The following GRM7 variants were observed in gnomAD, a reference collection of about 807,000 sequenced individuals.
The protein encoded by GRM7 is glutamate metabotropic receptor 7, also known as metabotropic glutamate receptor 7.
A neutral mutation model predicts 84.5 loss-of-function variants in GRM7; 35 were observed. The ratio of observed to expected loss-of-function variants is 0.41; its 90% CI spans 0.32 to 0.55. The LOEUF (loss-of-function observed/expected upper bound fraction) is 0.55. Ranked by LOEUF, GRM7 falls within the 20% of genes least tolerant of loss-of-function variation. The probability of loss-of-function intolerance (pLI) is 0.19; values close to 1 mark genes in which losing one functional copy is unlikely to be tolerated. For missense variants in GRM7, 1,003 were observed against 1,194.6 expected (o/e 0.84, Z 2.36); for synonymous variants, 487 against 455.1 (o/e 1.07, Z -0.89).
chr3:7,593,313 T>G (rs1168785318), intron 8 of GRM7, among the ~76,000 whole-genome samples: 1 of 152,160 alleles, frequency 6.6e-6, no homozygotes, highest in African/African-American at 2.4e-5. Flanking sequence ...CTTTCCAGTT[T>G]CAAACATTTA....
At chr3:7,737,499 C>G (rs1171543901) in intron 9 of GRM7, among the ~76,000 whole-genome samples, 1 of 152,142 alleles carries the variant, frequency 6.6e-6, no homozygotes, top group Non-Finnish European at 1.5e-5. Context: ...AATTTTCTTT[C>G]CTGACCATAA....
chr3:7,579,868 A>G (rs1470219683), intron 8 of GRM7, among the ~76,000 whole-genome samples: 1 of 152,210 alleles, frequency 6.6e-6, no homozygotes, highest in African/African-American at 2.4e-5. Flanking sequence ...GCCCAATTGT[A>G]TATGCACAAT....
chr3:7,039,039 C>T (rs2124938159), intron 1 of GRM7, among the ~76,000 whole-genome samples: 1 of 152,272 alleles, frequency 6.6e-6, no homozygotes, highest in Non-Finnish European at 1.5e-5. Context: ...TCAATAAGTT[C>T]TTCAGGCCAT....
rs186637758 is a variant in GRM7 at position 6,947,569 on chromosome 3, A to C, written c.519+85662A>C. Among the ~76,000 whole-genome samples, 80 of 152,336 alleles carry C rather than the reference A, an allele frequency of 5.3e-4. 1 individual carries two copies. Among genetic ancestry groups the C allele is most frequent in the Admixed American group, 9.2e-4 (14 of 15,290 alleles). The stretch of plus-strand genomic sequence containing the variant: ...GGCATTAGGATGATGCTGGCCTCAT[A>C]AAATGAGTTAGGGAGGATTCCCTCT... On this transcript the variant is annotated intron_variant, in intron 1 of 9. Coordinates refer to ENST00000357716, the MANE Select transcript of GRM7 (RefSeq NM_000844.4).
At chr3:6,867,066 C>T (rs929600575) in intron 1 of GRM7, among the ~76,000 whole-genome samples, 5 of 152,154 alleles carry the variant, frequency 3.3e-5, no homozygotes, top group African/African-American at 1.2e-4. Context: ...TGCTGATATT[C>T]TGGAACTCCT....
chr3:7,613,391 A>G (rs1696935461), intron 8 of GRM7, among the ~76,000 whole-genome samples: 1 of 152,224 alleles, frequency 6.6e-6, no homozygotes, highest in Non-Finnish European at 1.5e-5. Context: ...CTGACAAAAC[A>G]TTTGTAAAGG....
chr3:7,452,465 G>A lies in GRM7; in HGVS notation c.1175-142G>A, dbSNP rs1697811343. The stretch of plus-strand genomic sequence containing the variant: ...ACTGGCTATCACGTGGTAGGCAAAT[G>A]TGGCTTGAATTACTGTATTTATCGA... On this transcript the variant is annotated intron_variant, in intron 5 of 9. Transcript: ENST00000357716. The A allele has an allele frequency of 7.7e-6, 5 of 645,894 alleles. No individual in the cohort carries two copies. In the Admixed American group the frequency reaches 1.3e-4, roughly 16 times the overall value. 40.0% of individuals were successfully genotyped at this position (645,894 alleles called of 1,614,324 possible). A position where few individuals can be genotyped will look rare whatever the true frequency, so the allele number is the denominator to read the frequency against.
chr3:7,696,113 C>T (rs73123714), intron 9 of GRM7, among the ~76,000 whole-genome samples: 22,342 of 152,042 alleles, frequency 0.15, 2,639 homozygotes, highest in African/African-American at 0.32. Context: ...ACGTCCTTTA[C>T]AGAAGAGTTC....
intron 5 of GRM7, among the ~76,000 whole-genome samples, chr3:7,439,749 C>G (rs529962982): frequency 8.5e-5 from 13 of 152,214 alleles, no homozygotes; most frequent in African/African-American, 2.6e-4. Flanking sequence ...TTAATAGAGC[C>G]CTGGGGGAAG....
In GRM7 at chr3:7,705,129, A is replaced by G. The variant is rs542783323; in HGVS notation, c.2698+24834A>G. ...ACTCTACACATTTCTGAAGCCCTGA[A>G]GCCCAAAATAGCTTCACCTTGGCCA... On this transcript the variant is annotated intron_variant, in intron 9 of 9. Coordinates refer to ENST00000357716, the MANE Select transcript of GRM7 (RefSeq NM_000844.4). 8.8e-4 allele frequency among the ~76,000 whole-genome samples: 134 copies of G among 152,196 alleles called. No homozygotes were observed. The South Asian group carries it at 0.026, about 29-fold the overall frequency.
At chr3:6,987,082 T>C (rs1301905989) in intron 1 of GRM7, among the ~76,000 whole-genome samples, 3 of 152,340 alleles carry the variant, frequency 2.0e-5, no homozygotes, top group Middle Eastern at 6.8e-3. Flanking sequence ...TTTTCTCCTC[T>C]GTTCTTTCGT....
At chr3:7,458,797 A>G (rs1024393094) in intron 6 of GRM7, among the ~76,000 whole-genome samples, 2 of 152,212 alleles carry the variant, frequency 1.3e-5, no homozygotes, top group Non-Finnish European at 2.9e-5. Flanking sequence ...TAGAAGCTAT[A>G]GAATTACAGT....
At chr3:7,481,959 C>T (rs1486644827) in intron 7 of GRM7, among the ~76,000 whole-genome samples, 3 of 152,104 alleles carry the variant, frequency 2.0e-5, no homozygotes, top group African/African-American at 7.2e-5. Context: ...GAGGCTGAGG[C>T]GAGTGGATCA....
intron 4 of GRM7, among the ~76,000 whole-genome samples, chr3:7,391,968 G>T (rs1431296129): frequency 2.6e-5 from 4 of 152,120 alleles, no homozygotes; most frequent in African/African-American, 4.8e-5. Context: ...CACTGAGGGG[G>T]TTGGCAAGAG....
intron 7 of GRM7, among the ~76,000 whole-genome samples, chr3:7,551,031 G>A (rs1437254732): frequency 6.6e-6 from 1 of 152,056 alleles, no homozygotes; most frequent in Non-Finnish European, 1.5e-5. Flanking sequence ...GTGATTCTTA[G>A]CTTTGTTATC....
chr3:7,467,020 C>G (rs1318237459), intron 7 of GRM7, among the ~76,000 whole-genome samples: 1 of 152,152 alleles, frequency 6.6e-6, no homozygotes, highest in African/African-American at 2.4e-5. Context: ...TGAACCTGTA[C>G]TTTTTAAAAT....
chr3:7,324,585 T>A (rs185232880), intron 4 of GRM7, among the ~76,000 whole-genome samples: 207 of 152,302 alleles, frequency 1.4e-3, no homozygotes, highest in Non-Finnish European at 2.3e-3. Flanking sequence ...ACCTAGTTCG[T>A]CTCTGTGTTT....
In GRM7 at chr3:7,694,404, G is replaced by T. The variant is rs1156278795; in HGVS notation, c.2698+14109G>T. 3.1e-6 allele frequency: 3 copies of T among 956,760 alleles called. No homozygotes were observed. In the African/African-American group the frequency reaches 5.3e-5, roughly 17 times the overall value. 59.3% of individuals were successfully genotyped at this position (956,760 alleles called of 1,614,324 possible). A position where few individuals can be genotyped will look rare whatever the true frequency, so the allele number is the denominator to read the frequency against. On this transcript the variant is annotated intron_variant, in intron 9 of 9. Transcript: ENST00000357716. The stretch of plus-strand genomic sequence containing the variant: ...TTCCCATCTGATATTCTTCTATTTG[G>T]TCTCTTGTACCCATTGTCATCCTGT...
chr3:7,485,212 AGAT>A (rs1699275556), intron 7 of GRM7, among the ~76,000 whole-genome samples: 1 of 152,236 alleles, frequency 6.6e-6, no homozygotes. Flanking sequence ...AAATGAGAGA[AGAT>A]AAGTGCTTGT....
Sources: gnomAD v4.1 joint callset for allele counts (sites outside exome capture counted in the v4.1 genomes callset) on GRCh38, gnomAD v4.1.1 for gene constraint, MANE v1.5 for transcripts, NCBI Gene and HGNC (gene_info 2026-07-23, HGNC 2026-07-21) for gene names.